The following EVI5 variants were observed in gnomAD, a reference collection of about 807,000 sequenced individuals.
The protein encoded by EVI5 is ecotropic viral integration site 5 protein homolog.
In EVI5, 73 loss-of-function variants were observed where a neutral mutation model predicts 112.0. That is an observed-to-expected ratio of 0.65 (90% confidence interval 0.54 to 0.79). The LOEUF (loss-of-function observed/expected upper bound fraction) is 0.79, where lower values mean the gene tolerates loss of function less well. Among genes scored for constraint, EVI5 ranks in the 30% least tolerant of loss-of-function variants. EVI5 has a pLI of 0.00. For missense variants in EVI5, 900 were observed against 968.8 expected, an observed-to-expected ratio of 0.93 and a Z score of 0.94; for synonymous variants, 305 against 319.9, an observed-to-expected ratio of 0.95 and a Z score of 0.50.
intron 19 of EVI5, among the ~76,000 whole-genome samples, chr1:92,547,860 C>T (rs1666044801): frequency 6.6e-6 from 1 of 152,120 alleles, no homozygotes; most frequent in Non-Finnish European, 1.5e-5. Context: ...AATTAGTAGC[C>T]TACCAACCAA....
At chr1:92,566,063 A>T (rs1669430669) in intron 18 of EVI5, among the ~76,000 whole-genome samples, 1 of 151,426 alleles carries the variant, frequency 6.6e-6, no homozygotes, top group Non-Finnish European at 1.5e-5. Flanking sequence ...TCCCTACCCA[A>T]ATTGTATCTC....
chr1:92,527,511 T>C (rs1571324036), intron 19 of EVI5, among the ~76,000 whole-genome samples: 1 of 151,122 alleles, frequency 6.6e-6, no homozygotes, highest in African/African-American at 2.4e-5. Context: ...CACAGCAAAA[T>C]GTACAGATTT....
At chr1:92,683,710 T>C (rs1667986060) in intron 9 of EVI5, among the ~76,000 whole-genome samples, 1 of 152,130 alleles carries the variant, frequency 6.6e-6, no homozygotes, top group South Asian at 2.1e-4. Context: ...AGAGAAGACC[T>C]TAAATGACCT....
At chr1:92,779,048 T>C (rs970648313) in intron 1 of EVI5, among the ~76,000 whole-genome samples, 1 of 152,096 alleles carries the variant, frequency 6.6e-6, no homozygotes, top group East Asian at 1.9e-4. Flanking sequence ...CTCTAGAATA[T>C]AGGGTAAAAC....
At chr1:92,629,421 A>T (rs1354809199) in intron 14 of EVI5, among the ~76,000 whole-genome samples, 1 of 152,220 alleles carries the variant, frequency 6.6e-6, no homozygotes, top group African/African-American at 2.4e-5. Flanking sequence ...ATAAATTTAC[A>T]GATAAGGAAA....
chr1:92,551,795 T>TA (rs1666979436), intron 19 of EVI5, among the ~76,000 whole-genome samples: 1 of 151,936 alleles, frequency 6.6e-6, no homozygotes, highest in African/African-American at 2.4e-5. Context: ...TAAAAAACTA[T>TA]AAAACCTGTC....
At chr1:92,643,227 TA>T (rs549010232) in intron 13 of EVI5, among the ~76,000 whole-genome samples, 1 of 152,088 alleles carries the variant, frequency 6.6e-6, no homozygotes, top group South Asian at 2.1e-4. Context: ...AGTTTGATCT[TA>T]TACTTATTTA....
chr1:92,744,596 TCTCTCACACACA>T (rs1433174217), intron 1 of EVI5, among the ~76,000 whole-genome samples: 3,245 of 25,440 alleles, frequency 0.13, 116 homozygotes, highest in African/African-American at 0.17. Context: ...TCTCTCTCTC[TCTCTCACACACA>T]CACACACACA....
intron 2 of EVI5, 92 bp downstream of exon 2, chr1:92,736,305 AC>A: frequency 1.3e-6 from 1 of 794,182 alleles, no homozygotes; most frequent in South Asian, 1.8e-5. Flanking sequence ...TAAATAAGAA[AC>A]CAAAAAATAG....
In EVI5 at chr1:92,569,334, T is replaced by C. The variant is rs895467034; in HGVS notation, c.2071-5597A>G. 6.6e-5 allele frequency among the ~76,000 whole-genome samples: 10 copies of C among 152,270 alleles called. No individual in the cohort carries two copies. In the South Asian group the frequency reaches 2.1e-3, roughly 32 times the overall value. On this transcript the variant is annotated intron_variant, in intron 18 of 19. Transcript: ENST00000684568. ...AGATTTATGCAAAGAATCAAGCAAATTTTCTTTCTTGGATTTGTTACAAAA... is the reference window on the plus strand; with the variant it reads ...AGATTTATGCAAAGAATCAAGCAAACTTTCTTTCTTGGATTTGTTACAAAA...
intron 1 of EVI5, among the ~76,000 whole-genome samples, chr1:92,758,825 G>A (rs1400022182): frequency 6.7e-6 from 1 of 149,828 alleles, no homozygotes; most frequent in Non-Finnish European, 1.5e-5. Context: ...TTATAATTAA[G>A]GAATGAGACC....
intron 19 of EVI5, among the ~76,000 whole-genome samples, chr1:92,559,662 T>C (rs1668213532): frequency 6.7e-6 from 1 of 149,388 alleles, no homozygotes; most frequent in Non-Finnish European, 1.5e-5. Context: ...TAACCCTAGC[T>C]ACTCGGGAGG....
At chr1:92,773,280 T>C (rs530195084) in intron 1 of EVI5, among the ~76,000 whole-genome samples, 3 of 151,924 alleles carry the variant, frequency 2.0e-5, no homozygotes, top group African/African-American at 4.8e-5. Context: ...ATTATATTCA[T>C]ACAATGTATT....
rs186180133 is a variant in EVI5 at position 92,753,978 on chromosome 1, T to C, written c.-81-17351A>G. On this transcript the variant is annotated intron_variant, in intron 1 of 19. Coordinates refer to ENST00000684568, the MANE Select transcript of EVI5 (RefSeq NM_001350197.2). ...AATATGCCTAGAAGGAAGTCTGAAA[T>C]GAAAGTCATCTAGGAAAGATTGTAT... Among the ~76,000 whole-genome samples the C allele has an allele frequency of 9.8e-4, 149 of 152,194 alleles. 1 individual carries two copies. Among genetic ancestry groups the C allele is most frequent in the South Asian group, 3.3e-3 (16 of 4,834 alleles).
chr1:92,521,873 C>T (rs6686702), intron 19 of EVI5, among the ~76,000 whole-genome samples: 129,592 of 152,124 alleles, frequency 0.85, 55,572 homozygotes, highest in East Asian at 0.97. Flanking sequence ...ATTTACTACA[C>T]AAACTATACC....
At chr1:92,677,843 C>G (rs553212909) in intron 9 of EVI5, among the ~76,000 whole-genome samples, 1 of 152,086 alleles carries the variant, frequency 6.6e-6, no homozygotes, top group Non-Finnish European at 1.5e-5. Context: ...GTACAGAATC[C>G]TAGTAGACTG....
chr1:92,697,809 A>G, intron 6 of EVI5, 51 bp downstream of exon 6: 3 of 1,475,286 alleles, frequency 2.0e-6, no homozygotes, highest in Non-Finnish European at 2.8e-6. Context: ...TCAGAACAAG[A>G]TATAAAAAAT....
chr1:92,590,459 G>A (rs1260317268), intron 18 of EVI5, among the ~76,000 whole-genome samples: 9 of 152,200 alleles, frequency 5.9e-5, no homozygotes, highest in East Asian at 3.8e-4. Context: ...CGAGAACTAC[G>A]TGATGAACGC....
intron 6 of EVI5, among the ~76,000 whole-genome samples, chr1:92,696,224 G>A (rs957151428): frequency 3.9e-5 from 6 of 151,998 alleles, no homozygotes; most frequent in East Asian, 1.9e-4. Flanking sequence ...GGGCCACTGC[G>A]TCCAGCCATA....
Sources: gnomAD v4.1 joint callset for allele counts (sites outside exome capture counted in the v4.1 genomes callset) on GRCh38, gnomAD v4.1.1 for gene constraint, MANE v1.5 for transcripts, NCBI Gene and HGNC (gene_info 2026-07-23, HGNC 2026-07-21) for gene names.